LRP1B: variants seen among roughly 807,000 people sequenced by gnomAD.
The protein encoded by LRP1B is low-density lipoprotein receptor-related protein 1B.
In LRP1B, 217 loss-of-function variants were observed where a neutral mutation model predicts 556.6. The observed-to-expected ratio is 0.39, with a 90% CI of 0.35 to 0.44. The LOEUF (loss-of-function observed/expected upper bound fraction) is 0.44. LRP1B is among the 20% of genes least tolerant of loss of function. LRP1B has a pLI of 1.00. For missense variants in LRP1B, 5,053 were observed against 5,620.8 expected (o/e 0.90, Z 3.23); for synonymous variants, 2,047 against 1,865.8 (o/e 1.10, Z -2.50).
chr2:140,944,805 T>C (rs1202034956), intron 20 of LRP1B, among the ~76,000 whole-genome samples: 1 of 152,146 alleles, frequency 6.6e-6, no homozygotes, highest in African/African-American at 2.4e-5. Context: ...GTCAACATCA[T>C]ACTGAACAGG....
At chr2:141,698,057 AG>A (rs1691793127) in intron 2 of LRP1B, among the ~76,000 whole-genome samples, 1 of 152,080 alleles carries the variant, frequency 6.6e-6, no homozygotes, top group South Asian at 2.1e-4. Context: ...TTGGAAGGAC[AG>A]TTGCTGCTTT....
chr2:140,444,733 T>G, intron 63 of LRP1B, 54 bp from the exon 64 acceptor site: 1 of 1,042,262 alleles, frequency 9.6e-7, no homozygotes, highest in Non-Finnish European at 1.5e-6. Flanking sequence ...CACAACTTCT[T>G]AAACATAGAG....
chr2:140,830,295 A>G (rs966046620), intron 31 of LRP1B, among the ~76,000 whole-genome samples: 1 of 152,008 alleles, frequency 6.6e-6, no homozygotes, highest in Non-Finnish European at 1.5e-5. Context: ...AAAACCAAAG[A>G]CATGACAAAA....
At chr2:141,957,064 T>A (rs1020241912) in intron 1 of LRP1B, among the ~76,000 whole-genome samples, 9 of 152,212 alleles carry the variant, frequency 5.9e-5, no homozygotes, top group African/African-American at 1.9e-4. Context: ...AATCTAGACT[T>A]AATACTCCTT....
At chr2:141,731,274 T>C (rs1015587689) in intron 2 of LRP1B, among the ~76,000 whole-genome samples, 1 of 152,080 alleles carries the variant, frequency 6.6e-6, no homozygotes. Flanking sequence ...CCAGGCACAG[T>C]GTCTGGGCCT....
intron 6 of LRP1B, among the ~76,000 whole-genome samples, chr2:141,201,447 T>C (rs1391948963): frequency 6.6e-6 from 1 of 152,104 alleles, no homozygotes; most frequent in African/African-American, 2.4e-5. Context: ...CTTGTTCCTA[T>C]CCTCTAGGAA....
chr2:140,806,546 C>T (rs930583180), intron 32 of LRP1B, among the ~76,000 whole-genome samples: 1 of 151,906 alleles, frequency 6.6e-6, no homozygotes, highest in African/African-American at 2.4e-5. Flanking sequence ...AAACTCATAC[C>T]CCTTATAGGG....
At chr2:141,535,763 C>T (rs995007578) in intron 2 of LRP1B, among the ~76,000 whole-genome samples, 6 of 152,002 alleles carry the variant, frequency 3.9e-5, no homozygotes, top group African/African-American at 1.4e-4. Context: ...CATGATGGTC[C>T]CATGGCCTAT....
intron 35 of LRP1B, among the ~76,000 whole-genome samples, chr2:140,752,246 CAAACA>C (rs1688604925): frequency 6.6e-6 from 1 of 151,134 alleles, no homozygotes; most frequent in Admixed American, 6.6e-5. Flanking sequence ...AACAAACAAA[CAAACA>C]AAACACTTAG....
Position 141,168,906 on chromosome 2 carries a change from T to C in LRP1B, c.1013+19515A>G, listed in dbSNP as rs1260670410. ...TTACAAAATAACACAGCAGATGGAG[T>C]AAATGCAAGCAATAAGGACAAATGT... is the stretch of plus-strand genomic sequence containing the variant. On this transcript the variant is annotated intron_variant, in intron 7 of 90. Coordinates refer to ENST00000389484, the MANE Select transcript of LRP1B (RefSeq NM_018557.3). 9.9e-5 allele frequency among the ~76,000 whole-genome samples: 15 copies of C among 151,810 alleles called. 1 individual carries two copies. Among genetic ancestry groups the C allele is most frequent in the Non-Finnish European group, 1.5e-5 (1 of 67,942 alleles).
At chr2:141,547,197 G>A (rs1003771594) in intron 2 of LRP1B, among the ~76,000 whole-genome samples, 3 of 151,966 alleles carry the variant, frequency 2.0e-5, no homozygotes, top group East Asian at 1.9e-4. Flanking sequence ...TTCCAGCATG[G>A]GCCAAGATAT....
intron 32 of LRP1B, among the ~76,000 whole-genome samples, chr2:140,788,787 A>G (rs1324824274): frequency 2.0e-5 from 3 of 152,206 alleles, no homozygotes; most frequent in African/African-American, 7.2e-5. Flanking sequence ...TTGAAGCTCT[A>G]TCCTCAGTGT....
intron 66 of LRP1B, among the ~76,000 whole-genome samples, chr2:140,414,818 G>A (rs1026720904): frequency 5.3e-5 from 8 of 152,138 alleles, no homozygotes; most frequent in African/African-American, 1.7e-4. Context: ...CAGAATAACA[G>A]CGATCTTTAG....
At chr2:141,915,468 G>T (rs1354431186) in intron 1 of LRP1B, among the ~76,000 whole-genome samples, 1 of 152,070 alleles carries the variant, frequency 6.6e-6, no homozygotes. Flanking sequence ...AAAATTAAAT[G>T]TAAGACCTCA....
rs180736106 is a variant in LRP1B, at chr2:142,065,011, A to T, written c.82+65637T>A. 1.9e-3 allele frequency among the ~76,000 whole-genome samples: 288 copies of T among 151,526 alleles called. 1 individual carries two copies. The highest frequency in any genetic ancestry group is 6.7e-3 in the African/African-American group (278 of 41,450). ...GAAAAATTAAACAAAATAATAATTC[A>T]TGTCACGGCACTAGCAGCAGAAAGA... On this transcript the variant is annotated intron_variant, in intron 1 of 90. Transcript: ENST00000389484.
chr2:141,289,228 C>T (rs1372200352), intron 3 of LRP1B, among the ~76,000 whole-genome samples: 1 of 150,574 alleles, frequency 6.6e-6, no homozygotes, highest in East Asian at 2.0e-4. Context: ...ACTAAAAATA[C>T]AAAAAAAATT....
intron 20 of LRP1B, among the ~76,000 whole-genome samples, chr2:140,926,377 T>C (rs1040531590): frequency 6.6e-6 from 1 of 152,092 alleles, no homozygotes; most frequent in Admixed American, 6.6e-5. Flanking sequence ...GGTCTTGCTC[T>C]GTCACCCAGG....
intron 2 of LRP1B, among the ~76,000 whole-genome samples, chr2:141,706,951 G>T (rs534384093): frequency 4.6e-5 from 7 of 152,054 alleles, no homozygotes; most frequent in African/African-American, 1.7e-4. Context: ...ATCAGCCAAG[G>T]TATATACTGT....
intron 2 of LRP1B, among the ~76,000 whole-genome samples, chr2:141,610,837 T>C (rs2105321906): frequency 6.6e-6 from 1 of 152,190 alleles, no homozygotes; most frequent in East Asian, 1.9e-4. Flanking sequence ...AGGAACACGC[T>C]GCCTATTTAA....
Sources: gnomAD v4.1 joint callset for allele counts (sites outside exome capture counted in the v4.1 genomes callset) on GRCh38, gnomAD v4.1.1 for gene constraint, MANE v1.5 for transcripts, NCBI Gene and HGNC (gene_info 2026-07-23, HGNC 2026-07-21) for gene names.